TNS1: variants seen among roughly 807,000 people sequenced by gnomAD.
TNS1 encodes tensin 1.
Under a neutral mutation model 168.6 loss-of-function variants are expected in TNS1, and 62 were observed. The ratio of observed to expected loss-of-function variants is 0.37; its 90% CI spans 0.30 to 0.45. TNS1 has a LOEUF of 0.45. Among genes scored for constraint, TNS1 ranks in the 20% least tolerant of loss-of-function variants. The pLI is 1.00. For missense variants in TNS1, 2,240 were observed against 2,339.4 expected (o/e 0.96, Z 0.88); for synonymous variants, 934 against 933.2 (o/e 1.00, Z -0.02).
At chr2:218,010,262 A>C (rs1372619187) in exon 1 of TNS1, 6 of 398,280 alleles carry the variant, frequency 1.5e-5, no homozygotes, top group African/African-American at 1.2e-4. Flanking sequence ...CTCCTGGCGC[A>C]GAGTTCCGGG....
At chr2:217,860,489 AC>A (rs1383650026) in intron 18 of TNS1, among the ~76,000 whole-genome samples, 1 of 152,010 alleles carries the variant, frequency 6.6e-6, no homozygotes, top group Non-Finnish European at 1.5e-5. Flanking sequence ...TTATCCTCCT[AC>A]CTCCATAGAG....
chr2:217,899,500 C>T (rs1454852189), intron 7 of TNS1, among the ~76,000 whole-genome samples: 1 of 152,144 alleles, frequency 6.6e-6, no homozygotes, highest in Non-Finnish European at 1.5e-5. Flanking sequence ...CCCTCCTCCC[C>T]ATCCTCCAAA....
chr2:217,859,810 G>A (rs764442717), intron 18 of TNS1: 10 of 843,872 alleles, frequency 1.2e-5, no homozygotes, highest in Admixed American at 4.2e-5. Context: ...GCAGGTGAAC[G>A]GCCCTCAAGT....
chr2:217,955,668 T>C (rs1431204699), intron 3 of TNS1, among the ~76,000 whole-genome samples: 3 of 152,148 alleles, frequency 2.0e-5, no homozygotes, highest in Non-Finnish European at 2.9e-5. Flanking sequence ...ACACCTTATC[T>C]CATCATGACT....
chr2:217,810,109 G>T, intron 29 of TNS1, 118 bp from the exon 30 acceptor site: 2 of 1,437,628 alleles, frequency 1.4e-6, no homozygotes, highest in South Asian at 1.3e-5. Context: ...TTGAGCCAAG[G>T]CATCTGCACA....
intron 18 of TNS1, among the ~76,000 whole-genome samples, chr2:217,861,068 T>A (rs1325239180): frequency 6.6e-6 from 1 of 152,184 alleles, no homozygotes; most frequent in South Asian, 2.1e-4. Context: ...AGAGTCAGGT[T>A]TGGCAAAAAC....
chr2:217,861,685 T>A (rs1948795420), intron 18 of TNS1, among the ~76,000 whole-genome samples: 1 of 152,222 alleles, frequency 6.6e-6, no homozygotes, highest in African/African-American at 2.4e-5. Flanking sequence ...AGTTTCCTTA[T>A]CTGTAAAATG....
chr2:217,892,842 TG>T (rs1951874072), intron 11 of TNS1, 105 bp downstream of exon 11: 2 of 1,287,094 alleles, frequency 1.6e-6, no homozygotes, highest in South Asian at 2.7e-5. Flanking sequence ...TCATTCCCTC[TG>T]TGCGTATCCC....
At chr2:217,958,290 CA>C (rs1444837136) in intron 3 of TNS1, among the ~76,000 whole-genome samples, 1 of 151,366 alleles carries the variant, frequency 6.6e-6, no homozygotes, top group Non-Finnish European at 1.5e-5. Context: ...GAGAAAATGC[CA>C]GATGCCGTTA....
intron 2 of TNS1, among the ~76,000 whole-genome samples, chr2:217,982,753 G>C (rs541614285): frequency 6.6e-6 from 1 of 152,082 alleles, no homozygotes; most frequent in Non-Finnish European, 1.5e-5. Flanking sequence ...TGCAGTACTA[G>C]ATCACTGATA....
Position 217,804,293 on chromosome 2 carries a change from C to T in TNS1, c.*166G>A. On this transcript the variant is annotated 3_prime_UTR_variant, in exon 33 of 33. Coordinates refer to ENST00000682258, the MANE Select transcript of TNS1 (RefSeq NM_001387777.1). ...CTCTCTCTCTCTCTCTCTCTCTTTTCCCCCTCCCCTCTGCAATTCACTTCC... is the reference window on the plus strand; with the variant it reads ...CTCTCTCTCTCTCTCTCTCTCTTTTTCCCCTCCCCTCTGCAATTCACTTCC... The T allele has an allele frequency of 3.5e-6, 2 of 565,044 alleles. No homozygotes were observed. The highest frequency in any genetic ancestry group is 6.1e-6 in the Non-Finnish European group (2 of 326,616). 35.0% of individuals were successfully genotyped at this position (565,044 alleles called of 1,614,324 possible).
chr2:217,868,045 C>CA (rs1949437599), intron 18 of TNS1, among the ~76,000 whole-genome samples: 1 of 152,244 alleles, frequency 6.6e-6, no homozygotes, highest in Non-Finnish European at 1.5e-5. Context: ...TTGTTTCATT[C>CA]ATTGTTCTGT....
chr2:217,875,453 A>G (rs1184395954), intron 18 of TNS1, among the ~76,000 whole-genome samples: 1 of 152,278 alleles, frequency 6.6e-6, no homozygotes. Context: ...GGAAAGAAAT[A>G]CTATCTACTC....
At position 217,848,052 on chromosome 2, in the gene TNS1, G is replaced by A. The variant is rs150626193; in HGVS notation, c.2465C>T (p.Pro822Leu). 51 of 1,529,346 alleles carry A rather than the reference G, an allele frequency of 3.3e-5. No homozygotes were observed. Among genetic ancestry groups the A allele is most frequent in the Middle Eastern group, 1.8e-4 (1 of 5,660 alleles). 94.7% of individuals were successfully genotyped at this position (1,529,346 alleles called of 1,614,324 possible). Residue 822 changes from proline (P) to leucine (L), a missense_variant, in exon 19 of 33, where the codon CCG becomes CTG. Transcript: ENST00000682258. ...AATCTCCTGCTGGGAGGCTGCTCGC[G>A]GGAACTCAGGGAGACTGGGGATGGG... ...ETPIPSLPEFPRAASQQEIEQ... is the reference protein window; with the variant it reads ...ETPIPSLPEFLRAASQQEIEQ...
At chr2:217,964,265 T>C (rs950585219) in intron 3 of TNS1, among the ~76,000 whole-genome samples, 2 of 152,372 alleles carry the variant, frequency 1.3e-5, no homozygotes, top group East Asian at 3.9e-4. Flanking sequence ...CATTTAATTC[T>C]TACAATCATC....
Position 217,848,957 on chromosome 2 carries a change from G to C in TNS1, c.1560C>G (p.His520Gln). ...TRPTLSATPN[H>Q]VEHTLSVSSD... ...TGCTCACAGAAAGCGTGTGTTCCAC[G>C]TGGTTGGGGGTGGCCGACAGTGTAG... The change falls in exon 19 of 33, where the codon CAC (histidine) becomes CAG (glutamine). Residue 520 changes from histidine (H) to glutamine (Q), a missense_variant. Physicochemically the swap from His to Gln is conservative, Grantham distance 24. Around this residue, in one of 2 missense-constraint regions of TNS1, gnomAD observed 2,131 missense variants for 2,171.2 expected, o/e 0.98. Coordinates refer to ENST00000682258, the MANE Select transcript of TNS1 (RefSeq NM_001387777.1). 1 of 1,614,122 alleles carries C rather than the reference G, an allele frequency of 6.2e-7. No individual in the cohort carries two copies. The highest frequency in any genetic ancestry group is 8.5e-7 in the Non-Finnish European group (1 of 1,180,016).
At chr2:217,964,094 T>C (rs1190791973) in intron 3 of TNS1, among the ~76,000 whole-genome samples, 1 of 152,138 alleles carries the variant, frequency 6.6e-6, no homozygotes, top group African/African-American at 2.4e-5. Context: ...CCCTGGAGGT[T>C]CGGGAGGCCT....
intron 28 of TNS1, among the ~76,000 whole-genome samples, chr2:217,811,581 G>C (rs1341172260): frequency 6.6e-6 from 1 of 152,178 alleles, no homozygotes; most frequent in Non-Finnish European, 1.5e-5. Flanking sequence ...ACAGAGTGGG[G>C]AGAAGGCAGC....
chr2:217,868,966 AG>A (rs1242979137), intron 18 of TNS1, among the ~76,000 whole-genome samples: 1 of 152,262 alleles, frequency 6.6e-6, no homozygotes, highest in Non-Finnish European at 1.5e-5. Flanking sequence ...GTCTTGTGTC[AG>A]GGAGAGGGAC....
Sources: gnomAD v4.1 joint callset for allele counts (sites outside exome capture counted in the v4.1 genomes callset) on GRCh38, gnomAD v4.1.1 for gene constraint, gnomAD v4.1.1 regional missense constraint, MANE v1.5 for transcripts, NCBI Gene and HGNC (gene_info 2026-07-23, HGNC 2026-07-21) for gene names.